The following PATJ variants were observed in gnomAD, a reference collection of about 807,000 sequenced individuals.
The protein encoded by PATJ is PATJ crumbs cell polarity complex component, also known as inaD-like protein.
A neutral mutation model predicts 224.9 loss-of-function variants in PATJ; 190 were observed. The observed-to-expected ratio is 0.84, with a 90% CI of 0.75 to 0.95. PATJ has a LOEUF of 0.95. PATJ is among the 40% of genes least tolerant of loss of function. The pLI is 0.00. For synonymous variants in PATJ, 769 were observed against 820.3 expected (o/e 0.94, Z 1.07); for missense variants, 2,121 against 2,270.3 (o/e 0.93, Z 1.34).
intron 30 of PATJ, among the ~76,000 whole-genome samples, chr1:62,046,510 G>A (rs1016029221): frequency 9.9e-5 from 15 of 152,248 alleles, no homozygotes; most frequent in African/African-American, 3.1e-4. Context: ...GTGGGGAGGC[G>A]TAGTACAGTT....
At chr1:61,968,184 T>C (rs1682431623) in intron 27 of PATJ, among the ~76,000 whole-genome samples, 1 of 152,226 alleles carries the variant, frequency 6.6e-6, no homozygotes, top group Non-Finnish European at 1.5e-5. Flanking sequence ...TCTGCATCTT[T>C]ATTAAACTCA....
chr1:61,742,939 A>G (rs1238746451), intron 1 of PATJ, among the ~76,000 whole-genome samples: 2 of 152,006 alleles, frequency 1.3e-5, no homozygotes, highest in Non-Finnish European at 2.9e-5. Context: ...ATCTCGGCCC[A>G]CTGGTATTCG....
rs186405522 is a variant in PATJ, at chr1:62,064,602, G to T, written c.4125+13544G>T. Among the ~76,000 whole-genome samples, 75 of 152,320 alleles carry T rather than the reference G, an allele frequency of 4.9e-4. 1 individual carries two copies. Among genetic ancestry groups the T allele is most frequent in the Admixed American group, 7.8e-4 (12 of 15,294 alleles). On this transcript the variant is annotated intron_variant, in intron 31 of 43. Transcript: ENST00000642238. ...CCTCCTTGGCCTCCCAAAGTGCTGG[G>T]TGGCATGAGCCACCGCGCCGGGCCT...
Position 61,861,454 on chromosome 1 carries a change from C to T in PATJ, c.2323-97C>T, listed in dbSNP as rs1003667710. The T allele has an allele frequency of 1.0e-4, 62 of 607,160 alleles. 2 individuals carry two copies. Among genetic ancestry groups the T allele is most frequent in the South Asian group, 9.2e-4 (42 of 45,744 alleles). The allele number at this position is 607,160 out of a possible 1,614,324, so 37.6% of individuals were successfully genotyped here. Reference sequence around the variant, plus strand: ...AACCCATCATCTAGGTTTTAAGCCCCGTGTGCATTAGGTATTTGTCCTAAT... The same window carrying T: ...AACCCATCATCTAGGTTTTAAGCCCTGTGTGCATTAGGTATTTGTCCTAAT... On this transcript the variant is annotated intron_variant, in intron 18 of 43. Transcript: ENST00000642238.
chr1:61,822,417 G>A (rs1210731726), intron 14 of PATJ, among the ~76,000 whole-genome samples: 6 of 136,096 alleles, frequency 4.4e-5, no homozygotes, highest in Admixed American at 7.9e-5. Context: ...GCAACAGAGC[G>A]AGACTGTGTC....
intron 22 of PATJ, among the ~76,000 whole-genome samples, chr1:61,886,038 G>A (rs186740603): frequency 1.3e-5 from 2 of 150,640 alleles, no homozygotes; most frequent in Admixed American, 6.6e-5. Context: ...GGGGTGGGGG[G>A]ATGGGGGAGT....
intron 34 of PATJ, 131 bp downstream of exon 34, chr1:62,108,651 T>C (rs1258127416): frequency 1.6e-5 from 8 of 507,878 alleles, no homozygotes; most frequent in Non-Finnish European, 2.8e-5. Flanking sequence ...ACTTATCATA[T>C]TCTTTTTTTC....
intron 31 of PATJ, among the ~76,000 whole-genome samples, chr1:62,053,660 A>G (rs192272366): frequency 1.6e-3 from 242 of 152,266 alleles, no homozygotes; most frequent in Middle Eastern, 6.8e-3. Flanking sequence ...TGGAGGTTGC[A>G]GTGAGCCGAG....
intron 29 of PATJ, among the ~76,000 whole-genome samples, chr1:62,035,723 T>A (rs1650269064): frequency 6.6e-6 from 1 of 151,724 alleles, no homozygotes; most frequent in Non-Finnish European, 1.5e-5. Context: ...GTCCTTGGAA[T>A]GCTTCCCACC....
At chr1:62,120,281 T>C (rs1048238691) in intron 37 of PATJ, among the ~76,000 whole-genome samples, 3 of 152,212 alleles carry the variant, frequency 2.0e-5, no homozygotes, top group Non-Finnish European at 2.9e-5. Flanking sequence ...TGTATAATTC[T>C]TTCAGCTTTT....
At chr1:62,093,648 G>A (rs1236448161) in intron 33 of PATJ, among the ~76,000 whole-genome samples, 9 of 152,144 alleles carry the variant, frequency 5.9e-5, no homozygotes, top group African/African-American at 2.2e-4. Flanking sequence ...TAGTACCTTT[G>A]AATTCCAGAT....
At chr1:62,043,418 A>G (rs1406045045) in intron 30 of PATJ, among the ~76,000 whole-genome samples, 3 of 152,208 alleles carry the variant, frequency 2.0e-5, no homozygotes, top group Admixed American at 6.5e-5. Context: ...GTTATGCTCT[A>G]TAAACTTCAA....
intron 33 of PATJ, among the ~76,000 whole-genome samples, chr1:62,089,225 G>A (rs888812268): frequency 1.2e-4 from 19 of 152,064 alleles, no homozygotes; most frequent in African/African-American, 4.6e-4. Context: ...ATACCTGAAC[G>A]AGATGTGTCT....
intron 25 of PATJ, among the ~76,000 whole-genome samples, chr1:61,912,872 T>C (rs1672896711): frequency 1.3e-5 from 2 of 152,214 alleles, no homozygotes; most frequent in Admixed American, 6.5e-5. Context: ...GCAAAGTGTT[T>C]TGTTTAAGAT....
Position 62,052,362 on chromosome 1 carries a change from A to G in PATJ, c.4125+1304A>G, listed in dbSNP as rs143978177. Among the ~76,000 whole-genome samples the G allele has an allele frequency of 8.2e-3, 1,240 of 151,576 alleles. 13 individuals carry two copies. Among genetic ancestry groups the G allele is most frequent in the Non-Finnish European group, 0.011 (717 of 67,956 alleles). On this transcript the variant is annotated intron_variant, in intron 31 of 43. Coordinates refer to ENST00000642238, the MANE Select transcript of PATJ (RefSeq NM_001350145.3). Reference sequence around the variant, plus strand: ...GCAAGAGTGGAAATTGTAATGGGCCACTCATGAATAAACCCTACATGGGAC... The same window carrying G: ...GCAAGAGTGGAAATTGTAATGGGCCGCTCATGAATAAACCCTACATGGGAC...
chr1:61,985,076 G>A (rs1360798863), intron 27 of PATJ, among the ~76,000 whole-genome samples: 1 of 152,078 alleles, frequency 6.6e-6, no homozygotes, highest in Non-Finnish European at 1.5e-5. Context: ...CACTTTGGGA[G>A]GCCGTTGTGG....
At chr1:62,156,464 G>A (rs1669231037) in intron 43 of PATJ, among the ~76,000 whole-genome samples, 1 of 151,642 alleles carries the variant, frequency 6.6e-6, no homozygotes, top group African/African-American at 2.4e-5. Flanking sequence ...TGGGAGGCGG[G>A]GGTTGCAGTG....
chr1:62,134,038 G>A (rs1047417456), intron 41 of PATJ, among the ~76,000 whole-genome samples: 2 of 151,486 alleles, frequency 1.3e-5, no homozygotes, highest in Non-Finnish European at 2.9e-5. Flanking sequence ...GAGCCACCGT[G>A]CCCAGCCAAT....
At chr1:62,079,379 A>C in intron 31 of PATJ, 71 bp from the exon 32 acceptor site, 1 of 881,892 alleles carries the variant, frequency 1.1e-6, no homozygotes, top group South Asian at 1.4e-5. Context: ...GTAACAATAC[A>C]CCAGTTTTAA....
Sources: gnomAD v4.1 joint callset for allele counts (sites outside exome capture counted in the v4.1 genomes callset) on GRCh38, gnomAD v4.1.1 for gene constraint, MANE v1.5 for transcripts, NCBI Gene and HGNC (gene_info 2026-07-23, HGNC 2026-07-21) for gene names.